Variants in TPRG1 observed in about 807,000 individuals in gnomAD.
The protein encoded by TPRG1 is tumor protein p63-regulated gene 1 protein.
Under a neutral mutation model 29.3 loss-of-function variants are expected in TPRG1, and 29 were observed. The observed-to-expected ratio is 0.99, with a 90% CI of 0.74 to 1.35. The LOEUF is 1.35. TPRG1 is among the 40% of genes most tolerant of loss of function. The pLI, the probability that TPRG1 is intolerant of heterozygous loss-of-function variation, is 0.00. For synonymous variants in TPRG1, 130 were observed against 116.8 expected (o/e 1.11, Z -0.73); for missense variants, 327 against 335.0 (o/e 0.98, Z 0.19).
At position 189,038,608 on chromosome 3, in the gene TPRG1, A is replaced by G. The variant is rs1245065248; in HGVS notation, c.-463+14662A>G. On this transcript the variant is annotated intron_variant, in intron 4 of 10. Transcript: ENST00000433971. ...TCCCAAAATTAAAAGTATAATGGGA[A>G]AAAAATGAATGGATCTGATACATAA... Among the ~76,000 whole-genome samples the G allele has an allele frequency of 3.9e-5, 6 of 152,126 alleles. No individual in the cohort carries two copies. In the East Asian group the frequency reaches 1.2e-3, roughly 29 times the overall value.
chr3:189,029,503 C>T (rs1023380660), intron 4 of TPRG1, among the ~76,000 whole-genome samples: 1 of 152,076 alleles, frequency 6.6e-6, no homozygotes, highest in Non-Finnish European at 1.5e-5. Flanking sequence ...CCAAGCAGGC[C>T]CACACAATCT....
At chr3:189,224,673 C>T (rs1737445877) in intron 3 of TPRG1, among the ~76,000 whole-genome samples, 1 of 152,086 alleles carries the variant, frequency 6.6e-6, no homozygotes, top group Non-Finnish European at 1.5e-5. Context: ...GAATGGTAGC[C>T]TAAGGAGTTT....
intron 4 of TPRG1, among the ~76,000 whole-genome samples, chr3:189,044,363 T>C (rs1420379587): frequency 1.3e-5 from 2 of 152,164 alleles, no homozygotes; most frequent in Non-Finnish European, 2.9e-5. Flanking sequence ...GAGACCAACC[T>C]GGCCAACATG....
chr3:189,100,430 T>C (rs946153512), intron 1 of TPRG1, among the ~76,000 whole-genome samples: 1 of 152,146 alleles, frequency 6.6e-6, no homozygotes, highest in African/African-American at 2.4e-5. Context: ...TTGCCAAATC[T>C]CTCTCATGGG....
chr3:189,278,837 T>C (rs1716611461), intron 4 of TPRG1, among the ~76,000 whole-genome samples: 1 of 152,196 alleles, frequency 6.6e-6, no homozygotes, highest in Non-Finnish European at 1.5e-5. Flanking sequence ...CATCACCCCC[T>C]TGCTAAAATG....
intron 2 of TPRG1, among the ~76,000 whole-genome samples, chr3:189,131,547 C>T (rs1391953855): frequency 1.3e-5 from 2 of 152,138 alleles, no homozygotes; most frequent in African/African-American, 2.4e-5. Flanking sequence ...TATTACTGAG[C>T]ACTTTCTGAT....
chr3:189,167,674 T>C (rs952709919), upstream of TPRG1, among the ~76,000 whole-genome samples: 2 of 152,096 alleles, frequency 1.3e-5, no homozygotes, highest in Admixed American at 6.5e-5. Flanking sequence ...CCATTCTTGG[T>C]TGGGGTGGAT....
upstream of TPRG1, among the ~76,000 whole-genome samples, chr3:189,167,733 A>C (rs1160022300): frequency 6.6e-6 from 1 of 152,188 alleles, no homozygotes; most frequent in Non-Finnish European, 1.5e-5. Flanking sequence ...CTGGGTCTCA[A>C]ACCAAAGCTA....
chr3:189,170,145 C>T (rs1237475374), upstream of TPRG1, among the ~76,000 whole-genome samples: 1 of 152,224 alleles, frequency 6.6e-6, no homozygotes, highest in African/African-American at 2.4e-5. Context: ...GTCTCCACTC[C>T]TCCTGCCTTT....
At chr3:189,039,209 A>G (rs1434131965) in intron 4 of TPRG1, among the ~76,000 whole-genome samples, 1 of 152,238 alleles carries the variant, frequency 6.6e-6, no homozygotes, top group African/African-American at 2.4e-5. Flanking sequence ...AATGTTCAGA[A>G]AGAAATGGAG....
chr3:189,272,111 A>T (rs544807063), intron 4 of TPRG1, among the ~76,000 whole-genome samples: 2 of 152,332 alleles, frequency 1.3e-5, no homozygotes, highest in South Asian at 4.1e-4. Flanking sequence ...TTAGTTCTTG[A>T]TGGGAAAAAC....
chr3:189,199,579 C>T (rs1733117222), intron 1 of TPRG1, among the ~76,000 whole-genome samples: 1 of 152,206 alleles, frequency 6.6e-6, no homozygotes, highest in Admixed American at 6.5e-5. Flanking sequence ...ATGGCTTACG[C>T]CTGTAATCCC....
At chr3:189,250,252 AT>A (rs1420407591) in intron 4 of TPRG1, among the ~76,000 whole-genome samples, 1 of 152,158 alleles carries the variant, frequency 6.6e-6, no homozygotes, top group African/African-American at 2.4e-5. Flanking sequence ...GGAACATACC[AT>A]GATTAAGTGA....
At chr3:189,028,699 A>G (rs1484364462) in intron 4 of TPRG1, among the ~76,000 whole-genome samples, 4 of 152,174 alleles carry the variant, frequency 2.6e-5, no homozygotes, top group African/African-American at 9.7e-5. Flanking sequence ...GCTGTGATGT[A>G]GTAGGGGTAA....
chr3:189,016,567 G>A (rs1712944380), intron 3 of TPRG1, among the ~76,000 whole-genome samples: 1 of 152,044 alleles, frequency 6.6e-6, no homozygotes, highest in African/African-American at 2.4e-5. Flanking sequence ...TGATATGATT[G>A]TGCTCTGTGA....
chr3:189,138,685 CCA>C (rs1724102300), intron 3 of TPRG1, among the ~76,000 whole-genome samples: 1 of 152,190 alleles, frequency 6.6e-6, no homozygotes, highest in African/African-American at 2.4e-5. Flanking sequence ...AGCCACCCAG[CCA>C]CACTCAACTG....
intron 3 of TPRG1, among the ~76,000 whole-genome samples, chr3:189,218,352 G>A (rs1578876081): frequency 6.6e-6 from 1 of 151,964 alleles, no homozygotes; most frequent in South Asian, 2.1e-4. Flanking sequence ...TCCTGACCTC[G>A]TGATCCGCCT....
intron 1 of TPRG1, among the ~76,000 whole-genome samples, chr3:189,174,064 G>T (rs1367665462): frequency 6.6e-6 from 1 of 152,050 alleles, no homozygotes; most frequent in East Asian, 1.9e-4. Context: ...TATATTTTCT[G>T]GGATCTTCCT....
chr3:189,199,135 T>C (rs1275699659), intron 1 of TPRG1, among the ~76,000 whole-genome samples: 1 of 152,174 alleles, frequency 6.6e-6, no homozygotes, highest in Non-Finnish European at 1.5e-5. Flanking sequence ...TGGATTTTTA[T>C]TTGAGTCAGA....
Sources: gnomAD v4.1 joint callset for allele counts (sites outside exome capture counted in the v4.1 genomes callset) on GRCh38, gnomAD v4.1.1 for gene constraint, MANE v1.5 for transcripts, NCBI Gene and HGNC (gene_info 2026-07-23, HGNC 2026-07-21) for gene names.